Variants in GABRB1 observed in about 807,000 individuals in gnomAD.
GABRB1 encodes gamma-aminobutyric acid receptor subunit beta-1.
GABRB1 carries 17 observed loss-of-function variants against 51.6 expected under a neutral mutation model. That is an observed-to-expected ratio of 0.33 (90% CI 0.23 to 0.49). GABRB1 has a LOEUF of 0.49. Ranked by LOEUF, GABRB1 falls within the 20% of genes least tolerant of loss-of-function variation. The pLI is 0.99. For missense variants in GABRB1, 410 were observed against 600.6 expected, an observed-to-expected ratio of 0.68 and a Z score of 3.32; for synonymous variants, 247 against 218.9, an observed-to-expected ratio of 1.13 and a Z score of -1.14.
intron 5 of GABRB1, among the ~76,000 whole-genome samples, chr4:47,388,582 G>A (rs1412161352): frequency 9.2e-5 from 14 of 152,192 alleles, no homozygotes; most frequent in Admixed American, 9.2e-4. Context: ...TAATTCTTAT[G>A]TCAATCAAGA....
intron 1 of GABRB1, among the ~76,000 whole-genome samples, chr4:47,000,336 T>C (rs1043922236): frequency 1.3e-5 from 2 of 152,252 alleles, no homozygotes; most frequent in Non-Finnish European, 1.5e-5. Context: ...CAACTGTTTA[T>C]GTAAGCTTTA....
chr4:47,046,055 C>T (rs1032269557), intron 3 of GABRB1, among the ~76,000 whole-genome samples: 1 of 152,028 alleles, frequency 6.6e-6, no homozygotes, highest in African/African-American at 2.4e-5. Flanking sequence ...AGTGAGTTCT[C>T]ATGAGATCTG....
At chr4:47,380,509 T>C (rs2110028782) in intron 5 of GABRB1, among the ~76,000 whole-genome samples, 1 of 152,320 alleles carries the variant, frequency 6.6e-6, no homozygotes, top group South Asian at 2.1e-4. Flanking sequence ...ATTAGCACTA[T>C]GGGATGTGGG....
chr4:47,105,001 T>G (rs1027655378), intron 3 of GABRB1, among the ~76,000 whole-genome samples: 4 of 152,038 alleles, frequency 2.6e-5, no homozygotes, highest in African/African-American at 9.7e-5. Flanking sequence ...GCATCTCATG[T>G]TTTTTGGTTG....
At chr4:47,267,907 G>A (rs1722703010) in intron 4 of GABRB1, among the ~76,000 whole-genome samples, 1 of 152,070 alleles carries the variant, frequency 6.6e-6, no homozygotes, top group Non-Finnish European at 1.5e-5. Context: ...AAAATTCCCA[G>A]ATCAATAAAT....
chr4:47,351,416 A>C (rs1276200554), intron 5 of GABRB1, among the ~76,000 whole-genome samples: 2 of 151,952 alleles, frequency 1.3e-5, no homozygotes, highest in Non-Finnish European at 2.9e-5. Context: ...GTTTCTTTTT[A>C]TTATTATTAT....
At chr4:47,107,180 A>G (rs1211059928) in intron 3 of GABRB1, among the ~76,000 whole-genome samples, 1 of 152,134 alleles carries the variant, frequency 6.6e-6, no homozygotes, top group Non-Finnish European at 1.5e-5. Context: ...ACATCAGCTC[A>G]AAAGAAAAAT....
chr4:47,034,323 A>C (rs1725461157), intron 3 of GABRB1, among the ~76,000 whole-genome samples: 1 of 152,138 alleles, frequency 6.6e-6, no homozygotes, highest in Admixed American at 6.5e-5. Flanking sequence ...ACCGTAACAA[A>C]AAGTTCTGTA....
At chr4:47,303,534 A>T (rs1724338161) in intron 4 of GABRB1, among the ~76,000 whole-genome samples, 1 of 151,872 alleles carries the variant, frequency 6.6e-6, no homozygotes, top group African/African-American at 2.4e-5. Context: ...GCTTCTCTAA[A>T]CATTGCTTTA....
intron 3 of GABRB1, among the ~76,000 whole-genome samples, chr4:47,103,582 ACGTTT>A (rs1714815299): frequency 6.6e-6 from 1 of 151,994 alleles, no homozygotes; most frequent in African/African-American, 2.4e-5. Context: ...TATTCAATGA[ACGTTT>A]AGATTAGATC....
intron 3 of GABRB1, among the ~76,000 whole-genome samples, chr4:47,058,297 C>A (rs927623718): frequency 2.4e-4 from 37 of 152,190 alleles, no homozygotes; most frequent in Non-Finnish European, 2.1e-4. Context: ...GAACAAATAG[C>A]AAATAGATTG....
chr4:47,345,087 C>T (rs183862135), intron 5 of GABRB1, among the ~76,000 whole-genome samples: 1 of 152,326 alleles, frequency 6.6e-6, no homozygotes, highest in African/African-American at 2.4e-5. Flanking sequence ...CATTTATCTA[C>T]ACTATTAAAA....
At chr4:47,279,846 CTT>C (rs796803728) in intron 4 of GABRB1, among the ~76,000 whole-genome samples, 2 of 137,090 alleles carry the variant, frequency 1.5e-5, no homozygotes, top group Admixed American at 7.3e-5. Flanking sequence ...ATAGTTTGGT[CTT>C]TTTTTTTTTT....
intron 3 of GABRB1, among the ~76,000 whole-genome samples, chr4:47,124,186 C>G (rs1164718433): frequency 1.3e-5 from 2 of 151,156 alleles, no homozygotes; most frequent in Non-Finnish European, 2.9e-5. Context: ...TGAGAGAAAC[C>G]TCATGGTCTT....
In GABRB1 at chr4:47,104,816, G is replaced by A. The variant is rs565889967; in HGVS notation, c.241-56433G>A. Among the ~76,000 whole-genome samples, 153 of 152,106 alleles carry A rather than the reference G, an allele frequency of 1.0e-3. 1 individual carries two copies. The highest frequency in any genetic ancestry group is 1.7e-3 in the Admixed American group (26 of 15,250). ...AAAACTTCCATCTCTCTGCTGAAAT[G>A]ACTTAGCTGAGTATGAATGCTGCCC... is the stretch of plus-strand genomic sequence containing the variant. On this transcript the variant is annotated intron_variant, in intron 3 of 8. Coordinates refer to ENST00000295454, the MANE Select transcript of GABRB1 (RefSeq NM_000812.4).
intron 5 of GABRB1, among the ~76,000 whole-genome samples, chr4:47,384,416 TAA>T (rs59005369): frequency 2.6e-4 from 32 of 122,366 alleles, no homozygotes; most frequent in South Asian, 5.0e-4. Flanking sequence ...CACACCAAAA[TAA>T]AAAAAAAAAA....
At chr4:47,372,683 T>C (rs572573395) in intron 5 of GABRB1, among the ~76,000 whole-genome samples, 1 of 152,312 alleles carries the variant, frequency 6.6e-6, no homozygotes, top group Non-Finnish European at 1.5e-5. Context: ...GAAATGTCTT[T>C]GCTTAGTGGA....
At chr4:47,244,344 C>A (rs1465845703) in intron 4 of GABRB1, among the ~76,000 whole-genome samples, 1 of 152,062 alleles carries the variant, frequency 6.6e-6, no homozygotes, top group Non-Finnish European at 1.5e-5. Context: ...CTAAAATTCT[C>A]TTTTTTTGTC....
intron 4 of GABRB1, among the ~76,000 whole-genome samples, chr4:47,295,791 C>G (rs1189583526): frequency 6.6e-6 from 1 of 152,032 alleles, no homozygotes; most frequent in African/African-American, 2.4e-5. Context: ...AGAGCAACTC[C>G]AAGACACATA....
Sources: allele counts gnomAD v4.1 joint callset (sites outside exome capture counted in the v4.1 genomes callset), GRCh38; gene constraint gnomAD v4.1.1; transcripts MANE v1.5; gene names NCBI Gene and HGNC (gene_info 2026-07-23, HGNC 2026-07-21).